APBB1IP: variants seen among roughly 807,000 people sequenced by gnomAD.
The protein encoded by APBB1IP is amyloid beta precursor protein binding family B member 1 interacting protein, also known as amyloid beta A4 precursor protein-binding family B member 1-interacting protein.
Under a neutral mutation model 64.9 loss-of-function variants are expected in APBB1IP, and 27 were observed. The ratio of observed to expected loss-of-function variants is 0.42; its 90% CI spans 0.31 to 0.57. The LOEUF is 0.57. Ranked by LOEUF, APBB1IP falls within the 20% of genes least tolerant of loss-of-function variation. The pLI is 0.20. For synonymous variants in APBB1IP, 392 were observed against 331.0 expected (o/e 1.18, Z -2.00); for missense variants, 812 against 845.5 (o/e 0.96, Z 0.49).
intron 2 of APBB1IP, among the ~76,000 whole-genome samples, chr10:26,444,008 A>T (rs965341760): frequency 6.6e-6 from 1 of 152,218 alleles, no homozygotes; most frequent in Non-Finnish European, 1.5e-5. Context: ...AAATAAGTAA[A>T]TAATATAGGT....
rs12265822 is a variant in APBB1IP, at chr10:26,478,398, G to A, written c.1-13929G>A. ...CTGAATGTGTGAATTAGAAGGAGGC[G>A]TTTGGGGCCAGGCATGGTGTCTCAT... On this transcript the variant is annotated intron_variant, in intron 2 of 14. Transcript: ENST00000376236. Among the ~76,000 whole-genome samples the A allele has an allele frequency of 9.4e-3, 1,430 of 152,182 alleles. 28 individuals carry two copies. The highest frequency in any genetic ancestry group is 0.031 in the African/African-American group (1,306 of 41,540).
chr10:26,468,494 G>C (rs762419675), intron 2 of APBB1IP, among the ~76,000 whole-genome samples: 21 of 152,198 alleles, frequency 1.4e-4, no homozygotes, highest in Non-Finnish European at 3.1e-4. Flanking sequence ...TCACTGTGTA[G>C]ATGAATGAGT....
At position 26,550,531 on chromosome 10, in the gene APBB1IP, G is replaced by T. The variant is rs527547652; in HGVS notation, c.1155+8839G>T. ...CTGATTATTCTGCTTGATCAATTCT[G>T]CAGTTGATGTCCTCTGTTTCATTTT... On this transcript the variant is annotated intron_variant, in intron 11 of 14. Transcript: ENST00000376236. Among the ~76,000 whole-genome samples, 9 of 151,802 alleles carry T rather than the reference G, an allele frequency of 5.9e-5. No homozygotes were observed. The South Asian group carries it at 8.4e-4, about 14-fold the overall frequency.
At chr10:26,534,225 CT>C (rs1836590909) in intron 9 of APBB1IP, among the ~76,000 whole-genome samples, 1 of 137,374 alleles carries the variant, frequency 7.3e-6, no homozygotes, top group South Asian at 2.3e-4. Flanking sequence ...ACTCAGGAAG[CT>C]GAGGTGGGAG....
At chr10:26,513,196 G>T (rs908668524) in intron 7 of APBB1IP, among the ~76,000 whole-genome samples, 4 of 152,204 alleles carry the variant, frequency 2.6e-5, no homozygotes, top group Non-Finnish European at 5.9e-5. Flanking sequence ...CAGGAGGATT[G>T]CTTGAGCCTT....
At chr10:26,476,207 C>T (rs964943445) in intron 2 of APBB1IP, among the ~76,000 whole-genome samples, 2 of 151,638 alleles carry the variant, frequency 1.3e-5, no homozygotes, top group Non-Finnish European at 2.9e-5. Flanking sequence ...TACAGATGCC[C>T]GCCACCACGC....
At chr10:26,487,145 A>G (rs1316208808) in intron 2 of APBB1IP, among the ~76,000 whole-genome samples, 2 of 150,718 alleles carry the variant, frequency 1.3e-5, no homozygotes, top group East Asian at 3.9e-4. Context: ...ACTCCACCCC[A>G]GCTCTTTCTG....
chr10:26,481,925 A>G (rs889175322), intron 2 of APBB1IP, among the ~76,000 whole-genome samples: 10 of 151,456 alleles, frequency 6.6e-5, no homozygotes, highest in Non-Finnish European at 1.5e-4. Flanking sequence ...TTTTTAAATT[A>G]CTGAAATAAA....
intron 6 of APBB1IP, among the ~76,000 whole-genome samples, chr10:26,505,574 G>A (rs1836164517): frequency 6.6e-6 from 1 of 151,796 alleles, no homozygotes; most frequent in Non-Finnish European, 1.5e-5. Flanking sequence ...CAAACTCCTG[G>A]CATCAAGCGA....
chr10:26,497,056 G>A (rs780049586), intron 4 of APBB1IP, among the ~76,000 whole-genome samples: 6 of 152,096 alleles, frequency 3.9e-5, no homozygotes, highest in East Asian at 3.9e-4. Flanking sequence ...TTAGCCAAGC[G>A]TGGTGGCATG....
chr10:26,509,521 G>A (rs1245818036), intron 6 of APBB1IP: 2 of 152,274 alleles, frequency 1.3e-5, no homozygotes, highest in East Asian at 1.9e-4. Flanking sequence ...CAGTAACTCT[G>A]CAGAACCATC....
At chr10:26,464,289 C>G (rs2132408887) in intron 2 of APBB1IP, among the ~76,000 whole-genome samples, 1 of 152,286 alleles carries the variant, frequency 6.6e-6, no homozygotes, top group South Asian at 2.1e-4. Context: ...CTATTTGGAA[C>G]TAGTTTTCAG....
intron 2 of APBB1IP, among the ~76,000 whole-genome samples, chr10:26,472,821 C>A (rs1295992246): frequency 6.6e-6 from 1 of 152,004 alleles, no homozygotes; most frequent in Non-Finnish European, 1.5e-5. Flanking sequence ...TCTGTAGTCC[C>A]AGCTACTCAG....
chr10:26,510,083 C>T (rs896738723), intron 6 of APBB1IP, among the ~76,000 whole-genome samples: 3 of 152,182 alleles, frequency 2.0e-5, no homozygotes, highest in Admixed American at 6.5e-5. Flanking sequence ...GATTCTCCTG[C>T]CTCAGCCTCC....
In APBB1IP at chr10:26,567,509, C is replaced by T. The variant is rs774121180; in HGVS notation, c.*21C>T. On this transcript the variant is annotated 3_prime_UTR_variant, in exon 15 of 15. Coordinates refer to ENST00000376236, the MANE Select transcript of APBB1IP (RefSeq NM_019043.4). ...CCTAGGGACGGGCATGATGAGTGTT[C>T]CAGAGGGAGAAGCATCGCTGACCCC... 1 of 1,541,882 alleles carries T rather than the reference C, an allele frequency of 6.5e-7. No individual in the cohort carries two copies. The highest frequency in any genetic ancestry group is 8.8e-7 in the Non-Finnish European group (1 of 1,132,454).
At chr10:26,474,227 A>G (rs1208631252) in intron 2 of APBB1IP, among the ~76,000 whole-genome samples, 1 of 152,130 alleles carries the variant, frequency 6.6e-6, no homozygotes, top group Admixed American at 6.5e-5. Flanking sequence ...CAGTGGCTGT[A>G]TCCTGCCTTC....
chr10:26,539,835 A>G (rs1339186013), intron 10 of APBB1IP, among the ~76,000 whole-genome samples: 1 of 152,252 alleles, frequency 6.6e-6, no homozygotes, highest in East Asian at 1.9e-4. Flanking sequence ...AGTACCGGTA[A>G]CCACCGCATA....
intron 2 of APBB1IP, among the ~76,000 whole-genome samples, chr10:26,477,929 C>T (rs983374112): frequency 4.6e-5 from 7 of 152,256 alleles, no homozygotes; most frequent in Admixed American, 1.3e-4. Flanking sequence ...CATGCTGTGT[C>T]GCCCAGGCTG....
chr10:26,543,040 C>G (rs1440971118), intron 11 of APBB1IP, among the ~76,000 whole-genome samples: 1 of 150,094 alleles, frequency 6.7e-6, no homozygotes, highest in African/African-American at 2.5e-5. Context: ...TTCTCTGGCC[C>G]CCAATGTCAA....
Sources: gnomAD v4.1 joint callset for allele counts (sites outside exome capture counted in the v4.1 genomes callset) on GRCh38, gnomAD v4.1.1 for gene constraint, MANE v1.5 for transcripts, NCBI Gene and HGNC (gene_info 2026-07-23, HGNC 2026-07-21) for gene names.